Variants in MAGI2 observed in about 807,000 individuals in gnomAD.
MAGI2 encodes membrane-associated guanylate kinase, WW and PDZ domain-containing protein 2.
Under a neutral mutation model 133.3 loss-of-function variants are expected in MAGI2, and 35 were observed. That is an observed-to-expected ratio of 0.26 (90% CI 0.20 to 0.35). The LOEUF (loss-of-function observed/expected upper bound fraction) is 0.35, where lower values mean the gene tolerates loss of function less well. Ranked by LOEUF, MAGI2 falls within the 10% of genes least tolerant of loss-of-function variation. The probability of loss-of-function intolerance (pLI) is 1.00; values close to 1 mark genes in which losing one functional copy is unlikely to be tolerated. For missense variants in MAGI2, 1,636 were observed against 1,863.4 expected, an observed-to-expected ratio of 0.88 and a Z score of 2.25; for synonymous variants, 729 against 710.6, an observed-to-expected ratio of 1.03 and a Z score of -0.41.
chr7:78,906,232 C>G (rs1381184636), intron 2 of MAGI2, among the ~76,000 whole-genome samples: 1 of 152,200 alleles, frequency 6.6e-6, no homozygotes, highest in African/African-American at 2.4e-5. Flanking sequence ...CCCACACCAC[C>G]ATGTCCTTTG....
chr7:78,862,569 G>A (rs1794239046), intron 2 of MAGI2, among the ~76,000 whole-genome samples: 1 of 152,130 alleles, frequency 6.6e-6, no homozygotes, highest in South Asian at 2.1e-4. Flanking sequence ...CATTTCCATA[G>A]CTACAGACCA....
intron 3 of MAGI2, among the ~76,000 whole-genome samples, chr7:78,608,438 CATATATATAT>C (rs1252074933): frequency 6.7e-6 from 1 of 149,700 alleles, no homozygotes; most frequent in African/African-American, 2.5e-5. Context: ...AATGTGTGTG[CATATATATAT>C]GTATATATAT....
chr7:79,347,157 G>T (rs1421514455), intron 1 of MAGI2, among the ~76,000 whole-genome samples: 3 of 151,880 alleles, frequency 2.0e-5, no homozygotes, highest in Admixed American at 6.6e-5. Flanking sequence ...TTTACAAGGA[G>T]CCTGTTCCAT....
intron 2 of MAGI2, among the ~76,000 whole-genome samples, chr7:78,875,560 T>A (rs1478017771): frequency 6.6e-6 from 1 of 152,168 alleles, no homozygotes; most frequent in Non-Finnish European, 1.5e-5. Flanking sequence ...TAGTTTGGCT[T>A]TAAGCAAATT....
At chr7:78,158,596 G>A (rs1383715510) in intron 16 of MAGI2, among the ~76,000 whole-genome samples, 3 of 152,080 alleles carry the variant, frequency 2.0e-5, no homozygotes, top group Non-Finnish European at 4.4e-5. Flanking sequence ...AGACCTAACC[G>A]ACTCCATCTT....
chr7:79,180,598 G>T (rs930308495), intron 1 of MAGI2, among the ~76,000 whole-genome samples: 1 of 151,938 alleles, frequency 6.6e-6, no homozygotes, highest in African/African-American at 2.4e-5. Context: ...AGAGATTTGG[G>T]CAGGGACAGA....
intron 3 of MAGI2, among the ~76,000 whole-genome samples, chr7:78,590,935 T>C (rs946212932): frequency 2.0e-5 from 3 of 152,200 alleles, no homozygotes; most frequent in Non-Finnish European, 4.4e-5. Flanking sequence ...TAAAGATGAA[T>C]GGTACTTAGA....
chr7:78,365,875 G>T (rs572246440), intron 7 of MAGI2, among the ~76,000 whole-genome samples: 1 of 152,194 alleles, frequency 6.6e-6, no homozygotes, highest in Non-Finnish European at 1.5e-5. Context: ...AGGAAAATGT[G>T]TGTTTATGCA....
At chr7:78,041,932 AC>A (rs934568605) in intron 21 of MAGI2, among the ~76,000 whole-genome samples, 1 of 151,740 alleles carries the variant, frequency 6.6e-6, no homozygotes, top group Non-Finnish European at 1.5e-5. Context: ...AGCAGCTGGG[AC>A]CCCCCACAAC....
In MAGI2 at chr7:78,972,377, A is replaced by G. The variant is rs187833639; in HGVS notation, c.418+34713T>C. ...TAAATATGCATAGTGAGCATATTAT[A>G]TTTTTTATAGGTTTAGTTTGGTTGT... On this transcript the variant is annotated intron_variant, in intron 2 of 21. Transcript: ENST00000354212. 3.9e-5 allele frequency among the ~76,000 whole-genome samples: 6 copies of G among 152,010 alleles called. No homozygotes were observed. The East Asian group carries it at 1.2e-3, about 29-fold the overall frequency.
At chr7:78,669,906 T>C (rs908511969) in intron 2 of MAGI2, among the ~76,000 whole-genome samples, 4 of 151,810 alleles carry the variant, frequency 2.6e-5, no homozygotes, top group Admixed American at 6.6e-5. Context: ...AAATTAGGTA[T>C]TGATGGGAAG....
At chr7:78,275,693 G>A (rs2150997555) in intron 9 of MAGI2, among the ~76,000 whole-genome samples, 1 of 152,302 alleles carries the variant, frequency 6.6e-6, no homozygotes, top group African/African-American at 2.4e-5. Context: ...AAATGCTGAA[G>A]CTTTGAAAAT....
intron 1 of MAGI2, among the ~76,000 whole-genome samples, chr7:79,149,268 TCACCCAATCAAATAAGTC>T (rs1485259649): frequency 1.3e-5 from 2 of 151,438 alleles, no homozygotes; most frequent in Non-Finnish European, 2.9e-5. Flanking sequence ...CTGGTTTCTA[TCACCCAATCAAATAAGTC>T]CACATTACAA....
intron 10 of MAGI2, chr7:78,253,480 T>C (rs903669029): frequency 6.6e-6 from 1 of 151,970 alleles, no homozygotes; most frequent in South Asian, 2.1e-4. Context: ...TACACTTACA[T>C]TGGTGAGTGT....
intron 1 of MAGI2, among the ~76,000 whole-genome samples, chr7:79,299,397 A>C (rs1771425894): frequency 6.6e-6 from 1 of 151,718 alleles, no homozygotes; most frequent in Non-Finnish European, 1.5e-5. Context: ...CTGGAAATGT[A>C]AGTTGGGAGT....
intron 1 of MAGI2, among the ~76,000 whole-genome samples, chr7:79,355,763 T>C (rs1434730952): frequency 6.6e-6 from 1 of 152,220 alleles, no homozygotes; most frequent in Non-Finnish European, 1.5e-5. Context: ...ACCACTGTGA[T>C]TATCAAAACC....
chr7:78,607,550 A>T (rs943971045), intron 3 of MAGI2, among the ~76,000 whole-genome samples: 7 of 151,592 alleles, frequency 4.6e-5, no homozygotes, highest in Non-Finnish European at 1.0e-4. Flanking sequence ...TTGTATTGAG[A>T]GGAATTTGTG....
intron 14 of MAGI2, among the ~76,000 whole-genome samples, chr7:78,168,372 G>A (rs1825818451): frequency 6.6e-6 from 1 of 152,084 alleles, no homozygotes; most frequent in African/African-American, 2.4e-5. Flanking sequence ...ATGAGATGTT[G>A]GAAAGATGCC....
intron 6 of MAGI2, among the ~76,000 whole-genome samples, chr7:78,386,348 G>C (rs1481823606): frequency 6.6e-6 from 1 of 152,106 alleles, no homozygotes; most frequent in East Asian, 1.9e-4. Flanking sequence ...GGAAACGAAG[G>C]AACATGGAAA....
Sources: allele counts gnomAD v4.1 joint callset (sites outside exome capture counted in the v4.1 genomes callset), GRCh38; gene constraint gnomAD v4.1.1; transcripts MANE v1.5; gene names NCBI Gene and HGNC (gene_info 2026-07-23, HGNC 2026-07-21).